THRB: variants seen among roughly 807,000 people sequenced by gnomAD.
THRB encodes the protein nuclear receptor subfamily 1 group A member 2.
Under a neutral mutation model 47.8 loss-of-function variants are expected in THRB, and 12 were observed. The observed-to-expected ratio is 0.25, with a 90% CI of 0.16 to 0.41. The LOEUF is 0.41. Among genes scored for constraint, THRB ranks in the 10% least tolerant of loss-of-function variants. The pLI, the probability that THRB is intolerant of heterozygous loss-of-function variation, is 1.00. For missense variants in THRB, 348 were observed against 589.2 expected (o/e 0.59, Z 4.24); for synonymous variants, 218 against 212.2 (o/e 1.03, Z -0.24).
At chr3:24,481,285 C>A (rs1243900164) in intron 1 of THRB, among the ~76,000 whole-genome samples, 1 of 88,898 alleles carries the variant, frequency 1.1e-5, no homozygotes, top group Admixed American at 1.7e-4. Flanking sequence ...CAGAGCTTTT[C>A]TGCAGGACAA....
intron 1 of THRB, among the ~76,000 whole-genome samples, chr3:24,356,808 G>A (rs1170854791): frequency 6.6e-6 from 1 of 152,038 alleles, no homozygotes; most frequent in African/African-American, 2.4e-5. Flanking sequence ...TATCAGAGAG[G>A]CCCCCTGAAT....
chr3:24,489,138 C>T lies in THRB; in HGVS notation c.-261+5514G>A, dbSNP rs75727316. On this transcript the variant is annotated intron_variant, in intron 1 of 10. Transcript: ENST00000646209. ...GTGTGGTGGCATGTGCCTGTAATTA[C>T]GGCTAAGGCACAAGAATCCCTTGAA... Among the ~76,000 whole-genome samples, 1,077 of 151,726 alleles carry T rather than the reference C, an allele frequency of 7.1e-3. 12 individuals are homozygous for T. The highest frequency in any genetic ancestry group is 0.02 in the African/African-American group (814 of 41,370).
intron 1 of THRB, among the ~76,000 whole-genome samples, chr3:24,392,579 A>G: frequency 6.6e-6 from 1 of 152,086 alleles, no homozygotes; most frequent in East Asian, 1.9e-4. Flanking sequence ...TCATCCTCAA[A>G]TTACTCTTCA....
intron 4 of THRB, among the ~76,000 whole-genome samples, chr3:24,208,780 T>A (rs993578113): frequency 2.0e-5 from 3 of 152,130 alleles, no homozygotes; most frequent in African/African-American, 7.2e-5. Context: ...ATTCGGGACA[T>A]AGGCATGGGC....
intron 5 of THRB, among the ~76,000 whole-genome samples, chr3:24,171,185 T>G (rs981065858): frequency 6.6e-6 from 1 of 152,230 alleles, no homozygotes; most frequent in Non-Finnish European, 1.5e-5. Context: ...ATCTTACCAC[T>G]GAAGTGCTGA....
chr3:24,435,249 T>C (rs926334673), intron 1 of THRB, among the ~76,000 whole-genome samples: 1 of 151,986 alleles, frequency 6.6e-6, no homozygotes, highest in South Asian at 2.1e-4. Context: ...GACACTAAAC[T>C]GAGCGGGTAG....
intron 5 of THRB, among the ~76,000 whole-genome samples, chr3:24,163,382 C>T (rs1289229652): frequency 6.6e-6 from 1 of 152,032 alleles, no homozygotes; most frequent in Non-Finnish European, 1.5e-5. Flanking sequence ...TAATAAAGAA[C>T]CCCTGGTTTA....
rs1170980888 is a variant in THRB, at chr3:24,120,523, G to C, written c.*2361C>G. The C allele has an allele frequency of 6.6e-6, 1 of 152,286 alleles. No individual in the cohort carries two copies. The highest frequency in any genetic ancestry group is 2.4e-5 in the African/African-American group (1 of 41,460). The allele number at this position is 152,286 out of a possible 1,614,324, so 9.4% of individuals were successfully genotyped here. On this transcript the variant is annotated 3_prime_UTR_variant, in exon 11 of 11. Transcript: ENST00000646209. ...AAAATGAGGAAACTTTCCCCAGAAG[G>C]CCTGACGCTGCAGGACCCTGCCTGC...
In THRB at chr3:24,119,903, C is replaced by T. The variant is rs1291270294; in HGVS notation, c.*2981G>A. 6.6e-6 allele frequency: 1 copy of T among 152,328 alleles called. No homozygotes were observed. Among genetic ancestry groups the T allele is most frequent in the African/African-American group, 2.4e-5 (1 of 41,460 alleles). The allele number at this position is 152,328 out of a possible 1,614,324, so 9.4% of individuals were successfully genotyped here. ...CACTCACACGCACACACGCCCCACACCGCTCATCCCTAAAAGGGAAGTGAT... is the reference window on the plus strand; with the variant it reads ...CACTCACACGCACACACGCCCCACATCGCTCATCCCTAAAAGGGAAGTGAT... On this transcript the variant is annotated 3_prime_UTR_variant, in exon 11 of 11. Coordinates refer to ENST00000646209, the MANE Select transcript of THRB (RefSeq NM_001354712.2).
At chr3:24,456,827 A>G (rs2073215256) in intron 1 of THRB, among the ~76,000 whole-genome samples, 1 of 152,062 alleles carries the variant, frequency 6.6e-6, no homozygotes, top group Non-Finnish European at 1.5e-5. Flanking sequence ...TCATTGTACC[A>G]TTAGTTAGCA....
intron 1 of THRB, among the ~76,000 whole-genome samples, chr3:24,472,266 T>C (rs1050745695): frequency 6.6e-6 from 1 of 152,204 alleles, no homozygotes; most frequent in African/African-American, 2.4e-5. Context: ...ATAAAAATGT[T>C]GAGGATCTTT....
intron 1 of THRB, among the ~76,000 whole-genome samples, chr3:24,484,506 G>C (rs1326837286): frequency 6.6e-6 from 1 of 152,132 alleles, no homozygotes; most frequent in Non-Finnish European, 1.5e-5. Flanking sequence ...ATAAAATATA[G>C]TATTGAACTT....
intron 1 of THRB, among the ~76,000 whole-genome samples, chr3:24,351,964 A>G (rs1318009286): frequency 6.6e-6 from 1 of 152,132 alleles, no homozygotes; most frequent in Non-Finnish European, 1.5e-5. Flanking sequence ...ACACAAAGAC[A>G]CTTTTTGGAA....
chr3:24,289,819 A>T (rs114846683), intron 3 of THRB, among the ~76,000 whole-genome samples: 4,048 of 152,278 alleles, frequency 0.027, 73 homozygotes, highest in Non-Finnish European at 0.041. Flanking sequence ...CATGACTAAA[A>T]ATTCATTATA....
intron 1 of THRB, among the ~76,000 whole-genome samples, chr3:24,451,599 A>T (rs2072663993): frequency 6.6e-6 from 1 of 151,904 alleles, no homozygotes; most frequent in Non-Finnish European, 1.5e-5. Context: ...TGGTTCAGGG[A>T]CCTCTATTCT....
intron 3 of THRB, among the ~76,000 whole-genome samples, chr3:24,246,324 T>C (rs1056363238): frequency 6.6e-6 from 1 of 152,126 alleles, no homozygotes; most frequent in African/African-American, 2.4e-5. Context: ...GTTCCTTTCA[T>C]GGGGTTTCAA....
chr3:24,475,464 G>A (rs1211860558), intron 1 of THRB, among the ~76,000 whole-genome samples: 1 of 151,824 alleles, frequency 6.6e-6, no homozygotes, highest in Non-Finnish European at 1.5e-5. Context: ...TTGTTTTTCT[G>A]TATATTTGTA....
At chr3:24,487,646 T>C (rs1006278098) in intron 1 of THRB, among the ~76,000 whole-genome samples, 2 of 152,174 alleles carry the variant, frequency 1.3e-5, no homozygotes, top group Non-Finnish European at 2.9e-5. Flanking sequence ...TCAGGGTGAC[T>C]GTAGCATTTC....
At position 24,122,696 on chromosome 3, in the gene THRB, G is replaced by T; in HGVS notation, c.*188C>A. ...CATTCACATCACAGGACCGGAGAAC[G>T]AAATGCAATAGTTTCAAGTACCCGC... On this transcript the variant is annotated 3_prime_UTR_variant, in exon 11 of 11. Coordinates refer to ENST00000646209, the MANE Select transcript of THRB (RefSeq NM_001354712.2). The T allele has an allele frequency of 1.4e-6, 1 of 737,240 alleles. No individual in the cohort carries two copies. The highest frequency in any genetic ancestry group is 2.2e-6 in the Non-Finnish European group (1 of 449,252). 45.7% of individuals were successfully genotyped at this position (737,240 alleles called of 1,614,324 possible).
Sources: allele counts gnomAD v4.1 joint callset (sites outside exome capture counted in the v4.1 genomes callset), GRCh38; gene constraint gnomAD v4.1.1; transcripts MANE v1.5; gene names NCBI Gene and HGNC (gene_info 2026-07-23, HGNC 2026-07-21).